The following TULP4 variants were observed in gnomAD, a reference collection of about 807,000 sequenced individuals.
The protein encoded by TULP4 is tubby-related protein 4.
A neutral mutation model predicts 129.0 loss-of-function variants in TULP4; 16 were observed. The ratio of observed to expected loss-of-function variants is 0.12; its 90% CI spans 0.08 to 0.19. The LOEUF (loss-of-function observed/expected upper bound fraction) is 0.19. Among genes scored for constraint, TULP4 ranks in the 10% least tolerant of loss-of-function variants. The pLI, the probability that TULP4 is intolerant of heterozygous loss-of-function variation, is 1.00. For synonymous variants in TULP4, 998 were observed against 854.0 expected (o/e 1.17, Z -2.94); for missense variants, 1,842 against 2,059.1 (o/e 0.89, Z 2.04).
chr6:158,246,022 G>A (rs1778022745), intron 1 of TULP4, among the ~76,000 whole-genome samples: 2 of 125,922 alleles, frequency 1.6e-5, no homozygotes, highest in Non-Finnish European at 3.5e-5. Flanking sequence ...TACCCCTTAG[G>A]GGTGTGTGTG....
At chr6:158,324,025 G>A (rs1308577764) in intron 1 of TULP4, among the ~76,000 whole-genome samples, 1 of 152,150 alleles carries the variant, frequency 6.6e-6, no homozygotes, top group East Asian at 1.9e-4. Context: ...CTTTTTGCAG[G>A]TAAATTTACT....
rs145640363 is a variant in TULP4, at chr6:158,301,855, C to T, written n.117-10196C>T. 7.4e-4 allele frequency among the ~76,000 whole-genome samples: 106 copies of T among 142,966 alleles called. 1 individual carries two copies. The highest frequency in any genetic ancestry group is 2.3e-3 in the African/African-American group (88 of 38,234). The allele number at this position is 142,966 out of a possible 152,430, so 93.8% of individuals were successfully genotyped here. On this transcript the variant is annotated intron_variant and non_coding_transcript_variant, in intron 1 of 1. Coordinates refer to the TULP4 transcript ENST00000432358. ...AGCATAGAAAACAAGTTAGATGGCG[C>T]GTATGTTGAAATGCCTAAAGTAGGT...
intron 1 of TULP4, among the ~76,000 whole-genome samples, chr6:158,386,606 C>T (rs1777454350): frequency 6.6e-6 from 1 of 152,038 alleles, no homozygotes; most frequent in South Asian, 2.1e-4. Context: ...CTCTTTAATT[C>T]CTTGACTGTA....
intron 5 of TULP4, among the ~76,000 whole-genome samples, chr6:158,457,576 C>T (rs890117288): frequency 6.6e-6 from 1 of 152,144 alleles, no homozygotes; most frequent in Non-Finnish European, 1.5e-5. Context: ...CTACTCTTTT[C>T]CTGAGTAGAA....
chr6:158,485,819 C>G (rs921554859), intron 8 of TULP4, among the ~76,000 whole-genome samples: 3 of 152,222 alleles, frequency 2.0e-5, no homozygotes, highest in Non-Finnish European at 4.4e-5. Context: ...GAACCTGTCA[C>G]CACTTTCGTA....
intron 6 of TULP4, among the ~76,000 whole-genome samples, chr6:158,475,117 A>G (rs1297391641): frequency 6.6e-6 from 1 of 152,274 alleles, no homozygotes; most frequent in Non-Finnish European, 1.5e-5. Flanking sequence ...GAGGTGGCAG[A>G]GTAAGGAACG....
chr6:158,480,098 T>A (rs546929256), intron 7 of TULP4, 123 bp downstream of exon 7: 1 of 734,752 alleles, frequency 1.4e-6, no homozygotes. Context: ...CTGTGCAGGA[T>A]CCTGTCATGT....
At chr6:158,236,938 G>A (rs113735844) in intron 1 of TULP4, among the ~76,000 whole-genome samples, 23,592 of 150,422 alleles carry the variant, frequency 0.16, 2,466 homozygotes, top group East Asian at 0.43. Context: ...AGCCACCCGA[G>A]TAGCTGGGAC....
chr6:158,266,308 G>T (rs1778444091), intron 1 of TULP4, among the ~76,000 whole-genome samples: 1 of 152,198 alleles, frequency 6.6e-6, no homozygotes. Context: ...CCAGGCCGGA[G>T]GGCGGTGATG....
rs1033131605 is a variant in TULP4 at position 158,507,617 on chromosome 6, C to T, written c.*923C>T. ...TTCTCAAATAATGTGGTGACAGTCA[C>T]TAGATCCTCACATGCTGAGAAACAG... On this transcript the variant is annotated 3_prime_UTR_variant, in exon 14 of 14. Coordinates refer to ENST00000367097, the MANE Select transcript of TULP4 (RefSeq NM_020245.5). 5 of 152,208 alleles carry T rather than the reference C, an allele frequency of 3.3e-5. No individual in the cohort carries two copies. Among genetic ancestry groups the T allele is most frequent in the African/African-American group, 1.2e-4 (5 of 41,448 alleles). 9.4% of individuals were successfully genotyped at this position (152,208 alleles called of 1,614,324 possible). A position where few individuals can be genotyped will look rare whatever the true frequency, so the allele number is the denominator to read the frequency against.
At chr6:158,265,355 C>A (rs1778428011) in intron 1 of TULP4, among the ~76,000 whole-genome samples, 1 of 152,064 alleles carries the variant, frequency 6.6e-6, no homozygotes, top group Admixed American at 6.6e-5. Flanking sequence ...CCTTCTCCCA[C>A]AAAACATTTG....
At chr6:158,463,848 A>G (rs1424414496) in intron 6 of TULP4, among the ~76,000 whole-genome samples, 1 of 151,402 alleles carries the variant, frequency 6.6e-6, no homozygotes, top group Admixed American at 6.6e-5. Flanking sequence ...CACATATAAC[A>G]TAAAATTTAT....
chr6:158,300,818 T>G (rs536971031), intron 1 of TULP4, among the ~76,000 whole-genome samples: 3 of 152,332 alleles, frequency 2.0e-5, no homozygotes, highest in African/African-American at 7.2e-5. Flanking sequence ...GGTTCCTGAT[T>G]TGGAAGTACA....
chr6:158,449,095 A>G lies in TULP4; in HGVS notation c.643A>G (p.Met215Val). 2 of 1,614,164 alleles carry G rather than the reference A, an allele frequency of 1.2e-6. No homozygotes were observed. The highest frequency in any genetic ancestry group is 1.7e-6 in the Non-Finnish European group (2 of 1,180,040). The change falls in exon 4 of 14, where the codon ATG (methionine) becomes GTG (valine). Residue 215 changes from methionine to valine, a missense_variant. Met to Val is a conservative substitution (Grantham distance 21). This residue lies in a region of TULP4 where 456 missense variants were observed against 534.3 expected (regional missense o/e 0.85). Coordinates refer to ENST00000367097, the MANE Select transcript of TULP4 (RefSeq NM_020245.5). ...GCACGAGTCAGACGGTGTCCTCGGC[A>G]TGTCCTGGAACTACCCGATCTTCCT... ...LLHESDGVLGMSWNYPIFLVE... is the reference protein window; with the variant it reads ...LLHESDGVLGVSWNYPIFLVE...
At chr6:158,237,704 C>T (rs1777742288) in intron 1 of TULP4, 2 of 1,021,312 alleles carry the variant, frequency 2.0e-6, no homozygotes, top group Non-Finnish European at 3.1e-6. Flanking sequence ...TCTCCCTTTC[C>T]TTGTTCCTTT....
intron 1 of TULP4, among the ~76,000 whole-genome samples, chr6:158,335,391 C>A (rs950837876): frequency 6.6e-6 from 1 of 151,764 alleles, no homozygotes; most frequent in East Asian, 1.9e-4. Context: ...TTAAGTAATT[C>A]ATTTAAAATA....
At position 158,509,296 on chromosome 6, in the gene TULP4, A is replaced by G. The variant is rs1403796641; in HGVS notation, c.*2602A>G. 6.6e-6 allele frequency: 1 copy of G among 151,770 alleles called. No homozygotes were observed. The highest frequency in any genetic ancestry group is 1.5e-5 in the Non-Finnish European group (1 of 67,848). 9.4% of individuals were successfully genotyped at this position (151,770 alleles called of 1,614,324 possible). A position where few individuals can be genotyped will look rare whatever the true frequency, so the allele number is the denominator to read the frequency against. On this transcript the variant is annotated 3_prime_UTR_variant, in exon 14 of 14. Transcript: ENST00000367097. Reference sequence around the variant, plus strand: ...GTATTTTGTGTTATTGATTATATACAAAGGAGACTTTTTTTTTGAGATAAC... The same window carrying G: ...GTATTTTGTGTTATTGATTATATACGAAGGAGACTTTTTTTTTGAGATAAC...
chr6:158,372,664 C>T (rs1275115519), intron 1 of TULP4, among the ~76,000 whole-genome samples: 1 of 152,060 alleles, frequency 6.6e-6, no homozygotes, highest in Admixed American at 6.5e-5. Flanking sequence ...TCTGGCTAAC[C>T]TATCTTTAAA....
intron 1 of TULP4, among the ~76,000 whole-genome samples, chr6:158,269,401 G>T (rs568445696): frequency 1.3e-3 from 172 of 135,892 alleles, no homozygotes; most frequent in Middle Eastern, 0.012. Context: ...AAAAAAAAAA[G>T]GATTTTCCTG....
Sources: allele counts gnomAD v4.1 joint callset (sites outside exome capture counted in the v4.1 genomes callset), GRCh38; gene constraint gnomAD v4.1.1; regional missense constraint gnomAD v4.1.1; transcripts MANE v1.5; gene names NCBI Gene and HGNC (gene_info 2026-07-23, HGNC 2026-07-21).